Variants in MIOS observed in about 807,000 individuals in gnomAD.
The protein encoded by MIOS is meiosis regulator for oocyte development.
In MIOS, 52 loss-of-function variants were observed where a neutral mutation model predicts 96.9. The ratio of observed to expected loss-of-function variants is 0.54; its 90% CI spans 0.43 to 0.68. The LOEUF (loss-of-function observed/expected upper bound fraction) is 0.68, where lower values mean the gene tolerates loss of function less well. Among genes scored for constraint, MIOS ranks in the 30% least tolerant of loss-of-function variants. The probability of loss-of-function intolerance (pLI) is 0.00; values close to 1 mark genes in which losing one functional copy is unlikely to be tolerated. For missense variants in MIOS, 1,005 were observed against 1,052.8 expected (o/e 0.95, Z 0.63); for synonymous variants, 397 against 359.5 (o/e 1.10, Z -1.18).
rs147599348 is a variant in MIOS at position 7,588,500 on chromosome 7, T to C, written c.1821T>C (p.Tyr607=). The part of the protein sequence containing the change: ...SETGSYDGVL[Y]ENKVAVRDRV... ...CTTGCTTTTTCTCTTCTTTCCAGTATGAAAACAAAGTTGCAGTACGTGACA... is the reference window on the plus strand; with the variant it reads ...CTTGCTTTTTCTCTTCTTTCCAGTACGAAAACAAAGTTGCAGTACGTGACA... Residue 607 remains tyrosine (Y), a splice_region_variant and synonymous_variant, in exon 8 of 13, where the codon TAT becomes TAC. Transcript: ENST00000340080. The C allele has an allele frequency of 5.5e-4, 862 of 1,574,526 alleles. 3 individuals are homozygous for C. In the African/African-American group the frequency reaches 9.9e-3, roughly 18 times the overall value.
intron 11 of MIOS, among the ~76,000 whole-genome samples, chr7:7,598,105 A>G (rs1259189577): frequency 3.3e-5 from 5 of 152,254 alleles, no homozygotes; most frequent in African/African-American, 4.8e-5. Flanking sequence ...ACCTAACTTG[A>G]AAATGATACT....
intron 3 of MIOS, among the ~76,000 whole-genome samples, chr7:7,569,446 C>T (rs1284974336): frequency 6.6e-6 from 1 of 152,228 alleles, no homozygotes; most frequent in East Asian, 1.9e-4. Context: ...ACATTTAAAT[C>T]TTGGCCGGAG....
rs974028653 is a variant in MIOS, at chr7:7,585,577, T to C, written c.1649-59T>C. 6 of 1,413,320 alleles carry C rather than the reference T, an allele frequency of 4.2e-6. No homozygotes were observed. In the African/African-American group the frequency reaches 7.4e-5, roughly 17 times the overall value. 87.5% of individuals were successfully genotyped at this position (1,413,320 alleles called of 1,614,324 possible). Reference sequence around the variant, plus strand: ...TGATTTCTATTTATGGTTTAAGAAATGTAGAAGAGATATTAAGCTTTTGAT... The same window carrying C: ...TGATTTCTATTTATGGTTTAAGAAACGTAGAAGAGATATTAAGCTTTTGAT... On this transcript the variant is annotated intron_variant, in intron 6 of 12. Coordinates refer to ENST00000340080, the MANE Select transcript of MIOS (RefSeq NM_019005.4).
chr7:7,597,922 C>A (rs546986833), intron 11 of MIOS, among the ~76,000 whole-genome samples: 3 of 152,234 alleles, frequency 2.0e-5, no homozygotes, highest in African/African-American at 7.2e-5. Context: ...GCCTCAGCTT[C>A]CCAAAGTGCT....
chr7:7,590,846 T>C lies in MIOS; in HGVS notation c.2043+1283T>C, dbSNP rs1029015327. 4.6e-5 allele frequency among the ~76,000 whole-genome samples: 7 copies of C among 152,196 alleles called. No individual in the cohort carries two copies. The South Asian group carries it at 1.4e-3, about 32-fold the overall frequency. On this transcript the variant is annotated intron_variant, in intron 9 of 12. Transcript: ENST00000340080. ...TGACACATCATGCTTTCTTTCTACT[T>C]TACCCTTTCTTATGTCACTCTGACA... is the stretch of plus-strand genomic sequence containing the variant.
At chr7:7,605,809 C>G (rs1046402758) in intron 11 of MIOS, 133 bp from the exon 12 acceptor site, 16 of 866,904 alleles carry the variant, frequency 1.8e-5, no homozygotes, top group Admixed American at 2.9e-5. Flanking sequence ...AAACTAGAAC[C>G]TACCATCAAA....
At chr7:7,593,801 C>T (rs1162399255) in intron 9 of MIOS, among the ~76,000 whole-genome samples, 1 of 147,898 alleles carries the variant, frequency 6.8e-6, no homozygotes, top group East Asian at 2.0e-4. Flanking sequence ...ATTGCTTGAG[C>T]CCGGGAGGCA....
rs1423546696 is a variant in MIOS, at chr7:7,573,851, T to C, written c.1294+82T>C. ...TTGCCAAAAGGTCAGTCTGTAAATA[T>C]GCTCAATGTTTTATATACAAATACA... On this transcript the variant is annotated intron_variant, in intron 4 of 12. Transcript: ENST00000340080. The surrounding 1 kb of genome is among the most constrained non-coding windows in gnomAD (Gnocchi z 5.0). The C allele has an allele frequency of 3.1e-5, 39 of 1,266,004 alleles. No individual in the cohort carries two copies. The highest frequency in any genetic ancestry group is 1.1e-6 in the Non-Finnish European group (1 of 913,730). 78.4% of individuals were successfully genotyped at this position (1,266,004 alleles called of 1,614,324 possible). A position where few individuals can be genotyped will look rare whatever the true frequency, so the allele number is the denominator to read the frequency against.
At chr7:7,599,490 G>A (rs553297176) in intron 11 of MIOS, among the ~76,000 whole-genome samples, 1 of 152,326 alleles carries the variant, frequency 6.6e-6, no homozygotes, top group East Asian at 1.9e-4. Flanking sequence ...GCTTTAGGAG[G>A]AAGTTACCAT....
At chr7:7,578,100 G>A (rs1266543441) in intron 5 of MIOS, among the ~76,000 whole-genome samples, 1 of 152,160 alleles carries the variant, frequency 6.6e-6, no homozygotes, top group Non-Finnish European at 1.5e-5. Context: ...TTTGGAGGAG[G>A]ACAGTTTCAA....
At position 7,588,502 on chromosome 7, in the gene MIOS, A is replaced by G; in HGVS notation, c.1823A>G (p.Glu608Gly). The G allele has an allele frequency of 6.3e-7, 1 of 1,575,224 alleles. No homozygotes were observed. Among genetic ancestry groups the G allele is most frequent in the Non-Finnish European group, 8.6e-7 (1 of 1,158,766 alleles). The change falls in exon 8 of 13, where the codon GAA (glutamate) becomes GGA (glycine). Residue 608 changes from glutamate (E) to glycine (G), a missense_variant. This residue lies in a region of MIOS where 865 missense variants were observed against 887.9 expected (regional missense o/e 0.97). Coordinates refer to ENST00000340080, the MANE Select transcript of MIOS (RefSeq NM_019005.4). ...TGCTTTTTCTCTTCTTTCCAGTATG[A>G]AAACAAAGTTGCAGTACGTGACAGA... Reference protein sequence around the residue: ...ETGSYDGVLYENKVAVRDRVA... With the variant: ...ETGSYDGVLYGNKVAVRDRVA...
intron 4 of MIOS, 85 bp from the exon 5 acceptor site, chr7:7,574,013 A>AT: frequency 9.0e-7 from 1 of 1,112,178 alleles, no homozygotes; most frequent in East Asian, 2.5e-5. Context: ...ACTGATACTT[A>AT]TTATGAATTG....
In MIOS at chr7:7,572,349, A is replaced by C. The variant is rs1783383643; in HGVS notation, c.-40-87A>C. ...TGAAAAAGAGGGTTCTTGAATAGAG[A>C]ATTTTCTGACTTTCTGAATAGTTTA... On this transcript the variant is annotated intron_variant, in intron 3 of 12. Transcript: ENST00000340080. This position sits in a 1 kb window ranked among gnomAD's most constrained non-coding sequence, Gnocchi z 4.8. The C allele has an allele frequency of 3.2e-6, 2 of 622,694 alleles. No homozygotes were observed. The highest frequency in any genetic ancestry group is 6.9e-5 in the South Asian group (2 of 29,174). 38.6% of individuals were successfully genotyped at this position (622,694 alleles called of 1,614,324 possible).
chr7:7,578,735 GTC>G (rs978774920), intron 5 of MIOS, among the ~76,000 whole-genome samples: 3 of 151,260 alleles, frequency 2.0e-5, no homozygotes, highest in African/African-American at 7.3e-5. Context: ...TGGAGACAGA[GTC>G]TCTCTCTCTG....
Position 7,591,973 on chromosome 7 carries a change from C to A in MIOS, c.2043+2410C>A, listed in dbSNP as rs1340230209. Among the ~76,000 whole-genome samples, 5 of 118,714 alleles carry A rather than the reference C, an allele frequency of 4.2e-5. No homozygotes were observed. In the East Asian group the frequency reaches 1.3e-3, roughly 31 times the overall value. The allele number at this position is 118,714 out of a possible 152,430, so 77.9% of individuals were successfully genotyped here. On this transcript the variant is annotated intron_variant, in intron 9 of 12. Transcript: ENST00000340080. ...CCATGTTTTTTTTCCCACTATTCTT[C>A]AAATTGGTTAATTTTTTTTTTTTTT...
intron 11 of MIOS, among the ~76,000 whole-genome samples, chr7:7,601,558 T>G (rs944481320): frequency 2.6e-5 from 4 of 151,952 alleles, no homozygotes; most frequent in Admixed American, 1.3e-4. Context: ...AATAACAGGA[T>G]CTGAAATTGA....
intron 3 of MIOS, among the ~76,000 whole-genome samples, chr7:7,571,799 T>C (rs982907503): frequency 6.6e-6 from 1 of 152,250 alleles, no homozygotes; most frequent in Non-Finnish European, 1.5e-5. Flanking sequence ...ACAAGGCTGA[T>C]GCTTATTACT....
At chr7:7,585,306 C>T (rs1393845451) in intron 6 of MIOS, among the ~76,000 whole-genome samples, 2 of 152,012 alleles carry the variant, frequency 1.3e-5, no homozygotes, top group Non-Finnish European at 2.9e-5. Context: ...AAAAGATCTG[C>T]TTCCCTGCAC....
At position 7,605,997 on chromosome 7, in the gene MIOS, A is replaced by T; in HGVS notation, c.2457A>T (p.Gln819His). The T allele has an allele frequency of 1.9e-6, 3 of 1,613,986 alleles. No homozygotes were observed. Among genetic ancestry groups the T allele is most frequent in the Non-Finnish European group, 2.5e-6 (3 of 1,179,892 alleles). Residue 819 changes from glutamine to histidine, a missense_variant, in exon 12 of 13, where the codon CAA becomes CAT. This residue lies in a region of MIOS where 865 missense variants were observed against 887.9 expected (regional missense o/e 0.97). Coordinates refer to ENST00000340080, the MANE Select transcript of MIOS (RefSeq NM_019005.4). ...TGAGCAAGGACAAAAAATTAGCCCAATTTAACAACTGGTTTACATGGTGTC... is the reference window on the plus strand; with the variant it reads ...TGAGCAAGGACAAAAAATTAGCCCATTTTAACAACTGGTTTACATGGTGTC... Reference protein sequence around the residue: ...VDLSKDKKLAQFNNWFTWCHN... With the variant: ...VDLSKDKKLAHFNNWFTWCHN...
Sources: gnomAD v4.1 joint callset for allele counts (sites outside exome capture counted in the v4.1 genomes callset) on GRCh38, gnomAD v4.1.1 for gene constraint, gnomAD v4.1.1 regional missense constraint, Gnocchi (gnomAD v3.1) non-coding constraint, MANE v1.5 for transcripts, NCBI Gene and HGNC (gene_info 2026-07-23, HGNC 2026-07-21) for gene names.